WDR41: variants seen among roughly 807,000 people sequenced by gnomAD.
WDR41 encodes the protein WD repeat domain 41.
In WDR41, 63 loss-of-function variants were observed where a neutral mutation model predicts 69.3. The observed-to-expected ratio is 0.91, with a 90% CI of 0.74 to 1.12. The LOEUF is 1.12. Among genes scored for constraint, WDR41 ranks in the 50% most tolerant of loss-of-function variants. WDR41 has a pLI of 0.00. For missense variants in WDR41, 543 were observed against 534.5 expected, an observed-to-expected ratio of 1.02 and a Z score of -0.16; for synonymous variants, 185 against 192.1, an observed-to-expected ratio of 0.96 and a Z score of 0.31.
chr5:77,582,409 C>G, intron 1 of WDR41: 1 of 1,610,212 alleles, frequency 6.2e-7, no homozygotes, highest in Non-Finnish European at 8.5e-7. Context: ...GAAGGAGGTT[C>G]CTGCTGTGCC....
chr5:77,612,947 C>G (rs1449991108), intron 1 of WDR41, among the ~76,000 whole-genome samples: 2 of 151,946 alleles, frequency 1.3e-5, no homozygotes, highest in East Asian at 3.9e-4. Context: ...TCAGCAAAGT[C>G]TCAGGATACA....
intron 1 of WDR41, among the ~76,000 whole-genome samples, chr5:77,535,265 A>G (rs1164795007): frequency 2.0e-5 from 3 of 152,092 alleles, no homozygotes; most frequent in African/African-American, 7.2e-5. Context: ...CTCCCACTCC[A>G]TCTTCCCCTT....
At chr5:77,545,264 C>A (rs1157797402) in intron 1 of WDR41, 1 of 152,552 alleles carries the variant, frequency 6.6e-6, no homozygotes, top group East Asian at 1.9e-4. Flanking sequence ...ACTAGAGAAA[C>A]AAGAAAAAAC....
chr5:77,547,088 C>T (rs1743212929), intron 1 of WDR41, among the ~76,000 whole-genome samples: 1 of 152,058 alleles, frequency 6.6e-6, no homozygotes. Context: ...ATGATTAAAA[C>T]TCTCAGCAAA....
chr5:77,491,107 G>A, intron 1 of WDR41: 1 of 370,388 alleles, frequency 2.7e-6, no homozygotes, highest in Non-Finnish European at 5.5e-6. Flanking sequence ...CACAAAAGAA[G>A]TGAAAATGCC....
chr5:77,577,499 C>T lies in WDR41; in HGVS notation c.42+42980G>A, dbSNP rs576286739. On this transcript the variant is annotated intron_variant, in intron 1 of 5. Transcript: ENST00000509971. ...CAGAATTGCAAAATATTATTAGTTCCGATAACACAAACTATTGCTGAGGAT... is the reference window on the plus strand; with the variant it reads ...CAGAATTGCAAAATATTATTAGTTCTGATAACACAAACTATTGCTGAGGAT... 5.9e-5 allele frequency among the ~76,000 whole-genome samples: 9 copies of T among 151,950 alleles called. No homozygotes were observed. In the South Asian group the frequency reaches 1.5e-3, roughly 25 times the overall value.
At chr5:77,558,610 C>T (rs978266300) in intron 1 of WDR41, among the ~76,000 whole-genome samples, 10 of 152,196 alleles carry the variant, frequency 6.6e-5, no homozygotes, top group East Asian at 1.9e-4. Context: ...CGCTATTAAA[C>T]ATCCTGAGAT....
At chr5:77,458,986 C>T (rs1474239510) in intron 5 of WDR41, 76 bp downstream of exon 5, 9 of 1,049,240 alleles carry the variant, frequency 8.6e-6, no homozygotes, top group African/African-American at 4.8e-5. Flanking sequence ...AAAGTAATTT[C>T]GTCTAACTCT....
chr5:77,436,204 A>G (rs777908642), intron 12 of WDR41, 57 bp downstream of exon 12: 165 of 1,580,416 alleles, frequency 1.0e-4, no homozygotes, highest in Non-Finnish European at 1.3e-4. Context: ...GAAAGAAAAG[A>G]GCAATGAAAT....
chr5:77,485,487 G>A (rs1181025181), intron 2 of WDR41, among the ~76,000 whole-genome samples: 2 of 152,072 alleles, frequency 1.3e-5, no homozygotes, highest in Non-Finnish European at 2.9e-5. Context: ...TTCATCATGG[G>A]TCATCTGATT....
intron 1 of WDR41, among the ~76,000 whole-genome samples, chr5:77,531,766 G>A (rs528042005): frequency 6.6e-6 from 1 of 152,080 alleles, no homozygotes; most frequent in Admixed American, 6.6e-5. Context: ...GTATTGTTCA[G>A]TCATAAAAAG....
At chr5:77,463,073 T>A (rs1161593257) in intron 4 of WDR41, 22 bp downstream of exon 4, 3 of 1,609,534 alleles carry the variant, frequency 1.9e-6, no homozygotes, top group Non-Finnish European at 8.5e-7. Flanking sequence ...AGCTTGTTCA[T>A]TTCTTCCAGA....
At chr5:77,560,616 T>C (rs982986856) in intron 1 of WDR41, among the ~76,000 whole-genome samples, 8 of 152,170 alleles carry the variant, frequency 5.3e-5, no homozygotes, top group African/African-American at 1.9e-4. Flanking sequence ...CTTTGTAAAT[T>C]GGCAAAAAGA....
At chr5:77,462,387 CAATAAGAGTGA>C (rs1581721692) in intron 4 of WDR41, among the ~76,000 whole-genome samples, 2 of 88,058 alleles carry the variant, frequency 2.3e-5, no homozygotes, top group East Asian at 6.5e-4. Context: ...CCAGCCTGGG[CAATAAGAGTGA>C]AACTCCGTCT....
At chr5:77,488,889 A>C (rs753707407) in intron 2 of WDR41, among the ~76,000 whole-genome samples, 1 of 152,226 alleles carries the variant, frequency 6.6e-6, no homozygotes, top group East Asian at 1.9e-4. Flanking sequence ...TGGGCTTAAT[A>C]TACATATATA....
At chr5:77,582,354 T>C (rs994684603) in intron 1 of WDR41, 1 of 1,600,358 alleles carries the variant, frequency 6.2e-7, no homozygotes, top group African/African-American at 1.3e-5. Context: ...TGCGCCAACT[T>C]CCTCTTTTTC....
Position 77,439,955 on chromosome 5 carries a change from A to C in WDR41, c.882+858T>G, listed in dbSNP as rs547338249. Among the ~76,000 whole-genome samples the C allele has an allele frequency of 6.6e-5, 10 of 152,332 alleles. No individual in the cohort carries two copies. The South Asian group carries it at 1.2e-3, about 19-fold the overall frequency. On this transcript the variant is annotated intron_variant, in intron 9 of 12. Transcript: ENST00000296679. ...TTTTTTCAAAATAAAGTTGGGATAC[A>C]AAGAAACAATCTTTGAATATATTAG...
intron 1 of WDR41, among the ~76,000 whole-genome samples, chr5:77,508,358 C>T (rs1216757632): frequency 6.6e-6 from 1 of 152,300 alleles, no homozygotes; most frequent in South Asian, 2.1e-4. Context: ...AAGTGATTGA[C>T]CTGCCTGGTT....
chr5:77,592,430 A>C (rs1554038082), intron 1 of WDR41, among the ~76,000 whole-genome samples: 1 of 152,112 alleles, frequency 6.6e-6, no homozygotes, highest in Non-Finnish European at 1.5e-5. Flanking sequence ...TAGATAGTCA[A>C]GAATTTATTA....
Sources: allele counts gnomAD v4.1 joint callset (sites outside exome capture counted in the v4.1 genomes callset), GRCh38; gene constraint gnomAD v4.1.1; transcripts MANE v1.5; gene names NCBI Gene and HGNC (gene_info 2026-07-23, HGNC 2026-07-21).